Variants in CYFIP1 observed in about 807,000 individuals in gnomAD.
The protein encoded by CYFIP1 is cytoplasmic FMR1-interacting protein 1.
In CYFIP1, 58 loss-of-function variants were observed where a neutral mutation model predicts 163.5. The observed-to-expected ratio is 0.35, with a 90% CI of 0.29 to 0.44. The LOEUF (loss-of-function observed/expected upper bound fraction) is 0.44, where lower values mean the gene tolerates loss of function less well. Among genes scored for constraint, CYFIP1 ranks in the 20% least tolerant of loss-of-function variants. The probability of loss-of-function intolerance (pLI) is 1.00; values close to 1 mark genes in which losing one functional copy is unlikely to be tolerated. For synonymous variants in CYFIP1, 663 were observed against 660.7 expected, an observed-to-expected ratio of 1.00 and a Z score of -0.05; for missense variants, 1,338 against 1,653.8, an observed-to-expected ratio of 0.81 and a Z score of 3.31.
chr15:22,876,866 T>G (rs928447901), intron 26 of CYFIP1, among the ~76,000 whole-genome samples: 14 of 151,742 alleles, frequency 9.2e-5, no homozygotes. Context: ...GAAAAGCTTT[T>G]GACACTTTAT....
intron 22 of CYFIP1, among the ~76,000 whole-genome samples, chr15:22,902,240 G>A (rs1001390266): frequency 6.6e-6 from 1 of 152,248 alleles, no homozygotes; most frequent in Non-Finnish European, 1.5e-5. Context: ...CCCAGCAGAT[G>A]GCTCTGAGCA....
rs371096368 is a variant in CYFIP1 at position 22,918,729 on chromosome 15, G to T, written c.1489C>A (p.Arg497=). ...TTCTTCTTCTTCTTGATGGCCTGCC[G>T]CAGCGGCTCCCTAAGGGTCACCTGG... ...FSQVTLREPL[R]QAIKKKKNVI... The change falls in exon 14 of 31, where the codon CGG becomes AGG. Residue 497 remains arginine (R), a synonymous_variant. Transcript: ENST00000617928. 3 of 1,609,856 alleles carry T rather than the reference G, an allele frequency of 1.9e-6. No individual in the cohort carries two copies. Among genetic ancestry groups the T allele is most frequent in the Admixed American group, 3.4e-5 (2 of 59,048 alleles).
intron 22 of CYFIP1, among the ~76,000 whole-genome samples, chr15:22,895,944 G>A (rs1232149795): frequency 2.0e-5 from 3 of 152,182 alleles, no homozygotes; most frequent in African/African-American, 7.2e-5. Flanking sequence ...ACTTTGCCCT[G>A]CACATCCTTC....
intron 23 of CYFIP1, among the ~76,000 whole-genome samples, chr15:22,886,673 T>G (rs1192711584): frequency 6.6e-6 from 1 of 152,156 alleles, no homozygotes; most frequent in Non-Finnish European, 1.5e-5. Context: ...TTCTTTAAAT[T>G]TTGTTGAGGT....
intron 8 of CYFIP1, among the ~76,000 whole-genome samples, chr15:22,938,923 T>TA (rs56169420): frequency 4.3e-4 from 32 of 74,372 alleles, no homozygotes; most frequent in South Asian, 2.0e-3. Context: ...AAAAGCAGCT[T>TA]AAAAAAAAAA....
At chr15:22,905,631 G>A (rs2060548303) in intron 21 of CYFIP1, among the ~76,000 whole-genome samples, 1 of 151,772 alleles carries the variant, frequency 6.6e-6, no homozygotes, top group African/African-American at 2.4e-5. Flanking sequence ...AGTAGAGACG[G>A]GGTTTACCAT....
intron 1 of CYFIP1, among the ~76,000 whole-genome samples, chr15:22,978,803 A>G (rs188592991): frequency 3.9e-4 from 60 of 152,214 alleles, no homozygotes; most frequent in African/African-American, 1.4e-3. Context: ...GAAACAAGCC[A>G]GACTCCAAGC....
At chr15:22,924,963 T>C (rs1200808389) in intron 13 of CYFIP1, among the ~76,000 whole-genome samples, 2 of 152,078 alleles carry the variant, frequency 1.3e-5, no homozygotes, top group African/African-American at 2.4e-5. Flanking sequence ...TTTCAGCTAA[T>C]GGGGAGGCTG....
At chr15:22,946,487 A>G (rs2062063187) in intron 3 of CYFIP1, among the ~76,000 whole-genome samples, 1 of 152,004 alleles carries the variant, frequency 6.6e-6, no homozygotes, top group South Asian at 2.1e-4. Context: ...CTAAAAATGC[A>G]CAAATTAGCT....
In CYFIP1 at chr15:22,945,673, A is replaced by G. The variant is rs560795491; in HGVS notation, c.208-734T>C. ...ACTGCAACCTCTGCCTCCCGGGTTC[A>G]AGCAATTCTCTTGCCTCAGCCTCCT... On this transcript the variant is annotated intron_variant, in intron 3 of 30. Transcript: ENST00000617928. Among the ~76,000 whole-genome samples, 27 of 151,592 alleles carry G rather than the reference A, an allele frequency of 1.8e-4. 1 individual carries two copies. The highest frequency in any genetic ancestry group is 1.1e-3 in the Admixed American group (16 of 15,232).
intron 22 of CYFIP1, among the ~76,000 whole-genome samples, chr15:22,901,786 T>C (rs2142003389): frequency 6.6e-6 from 1 of 152,334 alleles, no homozygotes; most frequent in African/African-American, 2.4e-5. Flanking sequence ...TTTATGTGTC[T>C]TCTCAGGATT....
intron 1 of CYFIP1, among the ~76,000 whole-genome samples, chr15:22,972,742 G>A (rs150169437): frequency 2.6e-5 from 4 of 152,252 alleles, no homozygotes; most frequent in Non-Finnish European, 4.4e-5. Context: ...GGCCAGGTGC[G>A]GTGGCTTAGC....
rs540675700 is a variant in CYFIP1, at chr15:22,929,814, T to C, written c.1111-1786A>G. Among the ~76,000 whole-genome samples the C allele has an allele frequency of 2.2e-3, 327 of 150,648 alleles. 1 individual carries two copies. The highest frequency in any genetic ancestry group is 2.7e-3 in the Non-Finnish European group (183 of 67,730). On this transcript the variant is annotated intron_variant, in intron 11 of 30. Transcript: ENST00000617928. Reference sequence around the variant, plus strand: ...AGCCGGGCGTGGTGGCGGGCGCCTGTAGTCCCAGCTACTCAGAAGGCTGAG... The same window carrying C: ...AGCCGGGCGTGGTGGCGGGCGCCTGCAGTCCCAGCTACTCAGAAGGCTGAG...
At chr15:22,934,813 T>C (rs2061662898) in intron 9 of CYFIP1, among the ~76,000 whole-genome samples, 1 of 151,898 alleles carries the variant, frequency 6.6e-6, no homozygotes, top group South Asian at 2.1e-4. Context: ...CATTTCTATA[T>C]ACTAGCAACA....
At position 22,899,426 on chromosome 15, in the gene CYFIP1, G is replaced by A. The variant is rs183631513; in HGVS notation, c.2588+4280C>T. Among the ~76,000 whole-genome samples, 5 of 152,214 alleles carry A rather than the reference G, an allele frequency of 3.3e-5. No homozygotes were observed. In the East Asian group the frequency reaches 5.8e-4, roughly 18 times the overall value. The stretch of plus-strand genomic sequence containing the variant: ...GAATTATAACTCCCATAATTCCCAC[G>A]TCTCATGAGTGGGACTCGTTAGGAG... On this transcript the variant is annotated intron_variant, in intron 22 of 30. Transcript: ENST00000617928.
chr15:22,939,346 G>C, intron 7 of CYFIP1, 26 bp from the exon 8 acceptor site: 6 of 1,614,112 alleles, frequency 3.7e-6, no homozygotes, highest in Non-Finnish European at 5.1e-6. Context: ...AGAGACTCAT[G>C]CATGGGCCCG....
intron 18 of CYFIP1, among the ~76,000 whole-genome samples, chr15:22,911,250 G>A (rs1309595022): frequency 6.6e-6 from 1 of 152,132 alleles, no homozygotes; most frequent in Non-Finnish European, 1.5e-5. Flanking sequence ...AAACTGCAGT[G>A]TGGCCAGGAG....
rs186524483 is a variant in CYFIP1 at position 22,947,366 on chromosome 15, C to A, written c.-6-75G>T. The A allele has an allele frequency of 6.6e-5, 104 of 1,572,194 alleles. 1 individual carries two copies. The highest frequency in any genetic ancestry group is 8.4e-5 in the Non-Finnish European group (97 of 1,156,416). ...CCCAACAAGCTTCGAGGTTGGGTAC[C>A]CAGGCCTCTAACCCCTTCCCGCTCT... On this transcript the variant is annotated intron_variant, in intron 1 of 30. Coordinates refer to ENST00000617928, the MANE Select transcript of CYFIP1 (RefSeq NM_014608.6).
chr15:22,881,362 C>T (rs1160556223), intron 25 of CYFIP1, among the ~76,000 whole-genome samples: 1 of 152,224 alleles, frequency 6.6e-6, no homozygotes, highest in Non-Finnish European at 1.5e-5. Flanking sequence ...TCTGAGATCA[C>T]TAAAGCTATT....
Sources: allele counts gnomAD v4.1 joint callset (sites outside exome capture counted in the v4.1 genomes callset), GRCh38; gene constraint gnomAD v4.1.1; transcripts MANE v1.5; gene names NCBI Gene and HGNC (gene_info 2026-07-23, HGNC 2026-07-21).